The following COL11A1 variants were observed in gnomAD, a reference collection of about 807,000 sequenced individuals.
COL11A1 encodes collagen alpha-1(XI) chain.
A neutral mutation model predicts 265.2 loss-of-function variants in COL11A1; 74 were observed. The ratio of observed to expected loss-of-function variants is 0.28; its 90% CI spans 0.23 to 0.34. The LOEUF is 0.34. Ranked by LOEUF, COL11A1 falls within the 10% of genes least tolerant of loss-of-function variation. The pLI, the probability that COL11A1 is intolerant of heterozygous loss-of-function variation, is 1.00. For synonymous variants in COL11A1, 816 were observed against 727.6 expected (o/e 1.12, Z -1.96); for missense variants, 2,165 against 2,263.6 (o/e 0.96, Z 0.88).
chr1:103,070,902 A>C (rs2102260621), intron 4 of COL11A1, among the ~76,000 whole-genome samples: 1 of 152,168 alleles, frequency 6.6e-6, no homozygotes, highest in Non-Finnish European at 1.5e-5. Flanking sequence ...GACACCATAA[A>C]GCAATAATCA....
Position 103,008,620 on chromosome 1 carries a change from T to G in COL11A1, c.1630-104A>C, listed in dbSNP as rs913972231. 56 of 986,586 alleles carry G rather than the reference T, an allele frequency of 5.7e-5. 2 individuals are homozygous for G. The South Asian group carries it at 7.3e-4, about 13-fold the overall frequency. 61.1% of individuals were successfully genotyped at this position (986,586 alleles called of 1,614,324 possible). A position where few individuals can be genotyped will look rare whatever the true frequency, so the allele number is the denominator to read the frequency against. ...TAATTAAACATTATTCAAAATATAT[T>G]TAATCATATTAGCATTAACTTATTA... On this transcript the variant is annotated intron_variant, in intron 14 of 66. Transcript: ENST00000370096.
intron 41 of COL11A1, among the ~76,000 whole-genome samples, chr1:102,949,276 C>T (rs1414244714): frequency 6.7e-6 from 1 of 150,338 alleles, no homozygotes; most frequent in African/African-American, 2.5e-5. Flanking sequence ...TTTAGTATTT[C>T]ACTTCTAACC....
intron 4 of COL11A1, among the ~76,000 whole-genome samples, chr1:103,055,221 T>C (rs35727167): frequency 0.037 from 5,696 of 152,300 alleles, 127 homozygotes; most frequent in Middle Eastern, 0.092. Context: ...TATAATCTTT[T>C]TCATTCAACC....
intron 46 of COL11A1, among the ~76,000 whole-genome samples, chr1:102,931,994 G>T (rs545089236): frequency 2.0e-5 from 3 of 150,160 alleles, no homozygotes; most frequent in South Asian, 2.2e-4. Flanking sequence ...GTCTCTGCAC[G>T]TGAGATGGGT....
In COL11A1 at chr1:102,914,449, A is replaced by T. The variant is rs763810084; in HGVS notation, c.3925-44T>A. ...AGAAAAAGAAATAAATGAAAAATAAATTTTTATAAAATTATGACATTCTGG... is the reference window on the plus strand; with the variant it reads ...AGAAAAAGAAATAAATGAAAAATAATTTTTTATAAAATTATGACATTCTGG... On this transcript the variant is annotated intron_variant, in intron 51 of 66. Transcript: ENST00000370096. 7.2e-6 allele frequency: 11 copies of T among 1,518,672 alleles called. No individual in the cohort carries two copies. The Admixed American group carries it at 1.1e-4, about 15-fold the overall frequency. 94.1% of individuals were successfully genotyped at this position (1,518,672 alleles called of 1,614,324 possible). A position where few individuals can be genotyped will look rare whatever the true frequency, so the allele number is the denominator to read the frequency against.
chr1:102,996,943 A>C, intron 26 of COL11A1, 137 bp downstream of exon 26: 1 of 739,108 alleles, frequency 1.4e-6, no homozygotes, highest in Non-Finnish European at 2.4e-6. Flanking sequence ...ATATAAAATT[A>C]AAAGTAGTCT....
At chr1:102,945,170 G>A (rs1031717235) in intron 42 of COL11A1, among the ~76,000 whole-genome samples, 1 of 152,052 alleles carries the variant, frequency 6.6e-6, no homozygotes, top group African/African-American at 2.4e-5. Flanking sequence ...ATTAGGCCAT[G>A]AGGGCAAAAT....
At chr1:102,962,367 T>G (rs1450966752) in intron 39 of COL11A1, 102 bp from the exon 40 acceptor site, 2 of 939,098 alleles carry the variant, frequency 2.1e-6, no homozygotes, top group Non-Finnish European at 3.5e-6. Context: ...AAAATGTGAA[T>G]ATTATTTAAT....
chr1:102,979,476 A>T, intron 31 of COL11A1, 41 bp from the exon 32 acceptor site: 1 of 1,324,270 alleles, frequency 7.6e-7, no homozygotes, highest in Non-Finnish European at 1.1e-6. Flanking sequence ...CATGGCAATT[A>T]ACATTTTCAG....
chr1:102,901,438 A>C (rs1281340970), intron 54 of COL11A1, among the ~76,000 whole-genome samples: 1 of 152,082 alleles, frequency 6.6e-6, no homozygotes, highest in Admixed American at 6.6e-5. Flanking sequence ...GTGGCCACTC[A>C]ATCTTGGATG....
intron 44 of COL11A1, among the ~76,000 whole-genome samples, chr1:102,937,437 A>G (rs964839673): frequency 6.6e-6 from 1 of 152,134 alleles, no homozygotes; most frequent in Non-Finnish European, 1.5e-5. Flanking sequence ...TATCGTTTGG[A>G]TATGGTTTGT....
At chr1:102,895,826 C>T (rs993139235) in intron 57 of COL11A1, among the ~76,000 whole-genome samples, 3 of 150,056 alleles carry the variant, frequency 2.0e-5, no homozygotes, top group Non-Finnish European at 3.0e-5. Context: ...TATCATAGTA[C>T]TTAACATGTT....
chr1:103,066,960 A>G (rs2102235972), intron 4 of COL11A1, among the ~76,000 whole-genome samples: 1 of 152,070 alleles, frequency 6.6e-6, no homozygotes, highest in Middle Eastern at 3.4e-3. Flanking sequence ...TTTCACAGTA[A>G]AAAGTGACAA....
At chr1:103,104,780 A>C (rs1051090412) in intron 1 of COL11A1, among the ~76,000 whole-genome samples, 2 of 152,198 alleles carry the variant, frequency 1.3e-5, no homozygotes, top group African/African-American at 4.8e-5. Flanking sequence ...ACATAATATT[A>C]ATGAGTTTAG....
At chr1:102,949,378 CA>C (rs1389367179) in intron 41 of COL11A1, among the ~76,000 whole-genome samples, 2 of 151,708 alleles carry the variant, frequency 1.3e-5, no homozygotes, top group African/African-American at 4.9e-5. Flanking sequence ...ATTGGCTATA[CA>C]AAAAGAGGTG....
At chr1:103,036,322 G>GTATATATATATA (rs3056958) in intron 4 of COL11A1, among the ~76,000 whole-genome samples, 13 of 140,394 alleles carry the variant, frequency 9.3e-5, no homozygotes, top group African/African-American at 3.1e-4. Flanking sequence ...AGTTGCTATC[G>GTATATATATATA]TATATATATA....
chr1:103,047,414 T>G (rs1266588857), intron 4 of COL11A1, among the ~76,000 whole-genome samples: 1 of 152,162 alleles, frequency 6.6e-6, no homozygotes, highest in Non-Finnish European at 1.5e-5. Context: ...TGTCTGTTAT[T>G]GGTGTATAAG....
At chr1:102,918,683 C>T (rs555539979) in intron 49 of COL11A1, among the ~76,000 whole-genome samples, 32 of 152,064 alleles carry the variant, frequency 2.1e-4, no homozygotes, top group African/African-American at 7.5e-4. Context: ...AAAATTAAAA[C>T]TGTGTTTTTT....
chr1:103,105,121 C>T (rs1161797273), intron 1 of COL11A1, among the ~76,000 whole-genome samples: 2 of 151,398 alleles, frequency 1.3e-5, no homozygotes, highest in African/African-American at 4.8e-5. Context: ...AAGTCTAACT[C>T]TTACTTAAAA....
Sources: allele counts gnomAD v4.1 joint callset (sites outside exome capture counted in the v4.1 genomes callset), GRCh38; gene constraint gnomAD v4.1.1; transcripts MANE v1.5; gene names NCBI Gene and HGNC (gene_info 2026-07-23, HGNC 2026-07-21).